ZNFX1: variants seen among roughly 807,000 people sequenced by gnomAD.
The protein encoded by ZNFX1 is zinc finger NFX1-type containing 1, also known as NFX1-type zinc finger-containing protein 1.
ZNFX1 carries 78 observed loss-of-function variants against 179.8 expected under a neutral mutation model. The observed-to-expected ratio is 0.43, with a 90% CI of 0.36 to 0.52. The LOEUF (loss-of-function observed/expected upper bound fraction) is 0.52, where lower values mean the gene tolerates loss of function less well. Ranked by LOEUF, ZNFX1 falls within the 20% of genes least tolerant of loss-of-function variation. The pLI is 0.00. For synonymous variants in ZNFX1, 848 were observed against 868.5 expected, an observed-to-expected ratio of 0.98 and a Z score of 0.42; for missense variants, 1,927 against 2,386.6, an observed-to-expected ratio of 0.81 and a Z score of 4.01.
At chr20:49,261,166 C>G (rs1400332654) in intron 6 of ZNFX1, among the ~76,000 whole-genome samples, 1 of 151,746 alleles carries the variant, frequency 6.6e-6, no homozygotes, top group Non-Finnish European at 1.5e-5. Flanking sequence ...CCCAGGAGGC[C>G]GAGGCTGCAG....
intron 1 of ZNFX1, among the ~76,000 whole-genome samples, chr20:49,276,521 C>G (rs985791902): frequency 6.6e-6 from 1 of 152,210 alleles, no homozygotes; most frequent in Non-Finnish European, 1.5e-5. Flanking sequence ...GTGCTGTTTC[C>G]TCAGGACCAG....
At chr20:49,252,607 C>T in intron 12 of ZNFX1, 113 bp downstream of exon 12, 2 of 677,010 alleles carry the variant, frequency 3.0e-6, no homozygotes, top group Non-Finnish European at 5.1e-6. Flanking sequence ...TTGACAGAGT[C>T]ATTTCAGTAT....
Position 49,270,265 on chromosome 20 carries a change from C to T in ZNFX1, c.1547G>A (p.Arg516Lys). 1.2e-6 allele frequency: 2 copies of T among 1,614,048 alleles called. No individual in the cohort carries two copies. Among genetic ancestry groups the T allele is most frequent in the African/African-American group, 2.7e-5 (2 of 75,056 alleles). The change falls in exon 3 of 14, where the codon AGG becomes AAG. Residue 516 changes from arginine to lysine, a missense_variant. Coordinates refer to ENST00000396105, the MANE Select transcript of ZNFX1 (RefSeq NM_021035.3). The surrounding 1 kb of genome is among the most constrained non-coding windows in gnomAD (Gnocchi z 4.6). ...CTCCTGGAGTCCTTCCAGGACGTGC[C>T]TGTAGGCCTCAAAGTATGCAGTTGT... ...VETTAYFEAYRHVLEGLQEVQ... is the reference protein window; with the variant it reads ...VETTAYFEAYKHVLEGLQEVQ...
chr20:49,271,840 A>G, intron 2 of ZNFX1, 90 bp from the exon 3 acceptor site: 1 of 1,445,526 alleles, frequency 6.9e-7, no homozygotes. Flanking sequence ...CATTTTCCAA[A>G]ATAACTAAAG....
At chr20:49,265,629 T>C (rs1981216967) in intron 4 of ZNFX1, among the ~76,000 whole-genome samples, 1 of 152,188 alleles carries the variant, frequency 6.6e-6, no homozygotes, top group Non-Finnish European at 1.5e-5. Context: ...TTAGTATTTT[T>C]TGAGTGCCTA....
intron 1 of ZNFX1, among the ~76,000 whole-genome samples, chr20:49,277,657 G>T (rs945433645): frequency 6.6e-6 from 1 of 151,710 alleles, no homozygotes; most frequent in Non-Finnish European, 1.5e-5. Context: ...GAGTACAGGG[G>T]AGCCGAAGGG....
At chr20:49,255,048 T>TTC (rs1980935633) in intron 9 of ZNFX1, among the ~76,000 whole-genome samples, 1 of 151,228 alleles carries the variant, frequency 6.6e-6, no homozygotes, top group Non-Finnish European at 1.5e-5. Flanking sequence ...ACTACTTTTT[T>TTC]TTTTTTTTTT....
chr20:49,261,514 G>T (rs1981110120), intron 6 of ZNFX1, among the ~76,000 whole-genome samples: 1 of 152,102 alleles, frequency 6.6e-6, no homozygotes, highest in Admixed American at 6.5e-5. Context: ...AGAACACATG[G>T]TCACATAGAG....
Position 49,248,700 on chromosome 20 carries a change from C to G in ZNFX1, c.4324G>C (p.Gly1442Arg). The G allele has an allele frequency of 6.2e-7, 1 of 1,612,588 alleles. No individual in the cohort carries two copies. Among genetic ancestry groups the G allele is most frequent in the Non-Finnish European group, 8.5e-7 (1 of 1,180,028 alleles). ...TGGCAGGAGCCTGGGCAAGGATGCCCGCAGTCCAAGATAGTGCCACACTTT... is the reference window on the plus strand; with the variant it reads ...TGGCAGGAGCCTGGGCAAGGATGCCGGCAGTCCAAGATAGTGCCACACTTT... ...TTKCGTILDC[G>R]HPCPGSCHSC... The change falls in exon 14 of 14, where the codon GGG becomes CGG. Residue 1442 changes from glycine (G) to arginine (R), a missense_variant. Physicochemically the swap from Gly to Arg is moderately radical, Grantham distance 125 (BLOSUM62 -2). Transcript: ENST00000396105. The surrounding 1 kb of genome is among the most constrained non-coding windows in gnomAD (Gnocchi z 4.6).
intron 3 of ZNFX1, among the ~76,000 whole-genome samples, chr20:49,267,978 A>G (rs1981281287): frequency 1.3e-5 from 2 of 151,084 alleles, no homozygotes; most frequent in African/African-American, 2.4e-5. Context: ...GGTTCACGCC[A>G]TTCTCCTGCC....
In ZNFX1 at chr20:49,247,819, T is replaced by C; in HGVS notation, c.5205A>G (p.Glu1735=). Residue 1735 remains glutamate (E), a synonymous_variant, in exon 14 of 14, where the codon GAA becomes GAG. Coordinates refer to ENST00000396105, the MANE Select transcript of ZNFX1 (RefSeq NM_021035.3). ...LEEKRVRTRL[E]QVHEWLAKKR... The stretch of plus-strand genomic sequence containing the variant: ...TCTTGGCCAGCCACTCATGGACCTG[T>C]TCTAGTCGAGTCCTCACTCTTTTCT... 6.2e-7 allele frequency: 1 copy of C among 1,614,160 alleles called. No individual in the cohort carries two copies. Among genetic ancestry groups the C allele is most frequent in the South Asian group, 1.1e-5 (1 of 91,082 alleles).
At position 49,270,838 on chromosome 20, in the gene ZNFX1, T is replaced by G; in HGVS notation, c.974A>C (p.Glu325Ala). 9.9e-6 allele frequency: 16 copies of G among 1,614,188 alleles called. No homozygotes were observed. The highest frequency in any genetic ancestry group is 1.4e-5 in the Non-Finnish European group (16 of 1,180,022). ...RVDTYTLVQP[E>A]AEDHVESYRT... ...GTAGCTCTCAACATGGTCTTCTGCC[T>G]CAGGCTGCACTAGAGTGTAGGTATC... The change falls in exon 3 of 14, where the codon GAG becomes GCG. Residue 325 changes from glutamate to alanine, a missense_variant. Physicochemically the swap from Glu to Ala is moderately radical, Grantham distance 107. Coordinates refer to ENST00000396105, the MANE Select transcript of ZNFX1 (RefSeq NM_021035.3). This position sits in a 1 kb window ranked among gnomAD's most constrained non-coding sequence, Gnocchi z 4.6.
chr20:49,274,753 C>T (rs540679746), intron 2 of ZNFX1, among the ~76,000 whole-genome samples: 17 of 148,164 alleles, frequency 1.1e-4, no homozygotes, highest in Non-Finnish European at 2.4e-4. Context: ...AGCGAGACTC[C>T]GTCTCAAAAT....
chr20:49,257,555 C>T lies in ZNFX1; in HGVS notation c.2526G>A (p.Glu842=). The T allele has an allele frequency of 6.2e-7, 1 of 1,613,984 alleles. No homozygotes were observed. Among genetic ancestry groups the T allele is most frequent in the South Asian group, 1.1e-5 (1 of 91,058 alleles). ...IQADRVIEEE[E]VVRPQRRKKE... ...TCTTCCGCCGCTGGGGCCTCACCAC[C>T]TCTTCCTCCTCAATCACCCGGTCTG... Residue 842 remains glutamate (E), a synonymous_variant, in exon 8 of 14, where the codon GAG becomes GAA. Transcript: ENST00000396105.
In ZNFX1 at chr20:49,270,260, C is replaced by T. The variant is rs762776154; in HGVS notation, c.1552G>A (p.Val518Ile). 20 of 1,614,068 alleles carry T rather than the reference C, an allele frequency of 1.2e-5. No individual in the cohort carries two copies. The highest frequency in any genetic ancestry group is 4.5e-5 in the East Asian group (2 of 44,882). Reference sequence around the variant, plus strand: ...TGGACCTCCTGGAGTCCTTCCAGGACGTGCCTGTAGGCCTCAAAGTATGCA... The same window carrying T: ...TGGACCTCCTGGAGTCCTTCCAGGATGTGCCTGTAGGCCTCAAAGTATGCA... ...TTAYFEAYRH[V>I]LEGLQEVQEE... is the part of the protein sequence containing the mutation. The change falls in exon 3 of 14, where the codon GTC becomes ATC. Residue 518 changes from valine to isoleucine, a missense_variant. Transcript: ENST00000396105. The surrounding 1 kb of genome is among the most constrained non-coding windows in gnomAD (Gnocchi z 4.6).
At chr20:49,253,008 A>T (rs1465994700) in intron 11 of ZNFX1, among the ~76,000 whole-genome samples, 178 bp from the exon 12 acceptor site, 1 of 152,174 alleles carries the variant, frequency 6.6e-6, no homozygotes, top group Non-Finnish European at 1.5e-5. Flanking sequence ...TAGTAGAACT[A>T]AAGGTGATAT....
At position 49,271,678 on chromosome 20, in the gene ZNFX1, C is replaced by T. The variant is rs1981406879; in HGVS notation, c.134G>A (p.Gly45Glu). 6.2e-7 allele frequency: 1 copy of T among 1,613,910 alleles called. No individual in the cohort carries two copies. Among genetic ancestry groups the T allele is most frequent in the Non-Finnish European group, 8.5e-7 (1 of 1,179,944 alleles). ...ATGCCTTCCAGGGTGGCTGGCTCCT[C>T]CTCGGAGAGCATTGGCTGGTGGGTT... The part of the protein sequence containing the change: ...ANNPPANALR[G>E]GASHPGRHPR... The change falls in exon 3 of 14, where the codon GGA (glycine) becomes GAA (glutamate). Residue 45 changes from glycine to glutamate, a missense_variant. Gly to Glu is a moderately conservative substitution (Grantham distance 98). Transcript: ENST00000396105.
Position 49,246,684 on chromosome 20 carries a change from G to A in ZNFX1, c.*583C>T. ...CAGAGATACCACTAGGTGGCCCTAG[G>A]TGGAAGCCCCAAACATGTTCCAGGG... is the stretch of plus-strand genomic sequence containing the variant. On this transcript the variant is annotated 3_prime_UTR_variant, in exon 14 of 14. Coordinates refer to ENST00000396105, the MANE Select transcript of ZNFX1 (RefSeq NM_021035.3). 1 of 363,038 alleles carries A rather than the reference G, an allele frequency of 2.8e-6. No homozygotes were observed. The highest frequency in any genetic ancestry group is 3.7e-5 in the Admixed American group (1 of 26,706). The allele number at this position is 363,038 out of a possible 1,614,324, so 22.5% of individuals were successfully genotyped here.
At position 49,257,703 on chromosome 20, in the gene ZNFX1, T is replaced by C. The variant is rs1220469545; in HGVS notation, c.2417-39A>G. 7 of 43,076 alleles carry C rather than the reference T, an allele frequency of 1.6e-4. No homozygotes were observed. The East Asian group carries it at 2.6e-3, about 16-fold the overall frequency. 2.7% of individuals were successfully genotyped at this position (43,076 alleles called of 1,614,324 possible). ...ACAGGCAGGAGAGAGATGAAAACTC[T>C]TTTTTTTTTTTTTTTTGATATGGAA... On this transcript the variant is annotated intron_variant, in intron 7 of 13. Coordinates refer to ENST00000396105, the MANE Select transcript of ZNFX1 (RefSeq NM_021035.3).
Sources: gnomAD v4.1 joint callset for allele counts (sites outside exome capture counted in the v4.1 genomes callset) on GRCh38, gnomAD v4.1.1 for gene constraint, Gnocchi (gnomAD v3.1) non-coding constraint, MANE v1.5 for transcripts, NCBI Gene and HGNC (gene_info 2026-07-23, HGNC 2026-07-21) for gene names.